Variants in FERRY3 observed in about 807,000 individuals in gnomAD.
FERRY3 encodes FERRY endosomal RAB5 effector complex subunit 3, also known as protein C12orf4.
chr12:4,514,784 T>C, the FERRY3 span, among the ~76,000 whole-genome samples: 21 of 151,724 alleles, frequency 1.4e-4, no homozygotes, highest in African/African-American at 4.6e-4. Flanking sequence ...ATATACCTAA[T>C]GCTAGATGAC....
At chr12:4,517,784 A>G in the FERRY3 span, among the ~76,000 whole-genome samples, 1 of 150,984 alleles carries the variant, frequency 6.6e-6, no homozygotes, top group African/African-American at 2.4e-5. Context: ...TTGCTTCTAA[A>G]CTGAAAACAT....
At chr12:4,495,786 G>C in the FERRY3 span, among the ~76,000 whole-genome samples, 256 of 152,202 alleles carry the variant, frequency 1.7e-3, 1 homozygote, top group African/African-American at 5.9e-3. Context: ...TTAATAGCAT[G>C]GTCTAGAGCA....
the FERRY3 span, among the ~76,000 whole-genome samples, chr12:4,526,256 G>C: frequency 1.3e-5 from 2 of 152,180 alleles, no homozygotes; most frequent in Non-Finnish European, 2.9e-5. Context: ...AGAGGACTCT[G>C]TAATGCTGGA....
chr12:4,530,122 T>C, the FERRY3 span: 10 of 1,405,236 alleles, frequency 7.1e-6, no homozygotes, highest in South Asian at 3.9e-5. Context: ...TAGAAAAGTA[T>C]GTATGATTCC....
the FERRY3 span, among the ~76,000 whole-genome samples, chr12:4,498,678 C>T: frequency 6.6e-6 from 1 of 152,148 alleles, no homozygotes; most frequent in Admixed American, 6.5e-5. Context: ...CAGGCCCCAA[C>T]CTTTTTGGCA....
chr12:4,490,207 G>C, the FERRY3 span, among the ~76,000 whole-genome samples: 1 of 152,110 alleles, frequency 6.6e-6, no homozygotes, highest in East Asian at 1.9e-4. Context: ...ACAGAATACA[G>C]AATCATTATC....
chr12:4,510,508 A>T, the FERRY3 span, among the ~76,000 whole-genome samples: 6 of 143,324 alleles, frequency 4.2e-5, no homozygotes, highest in African/African-American at 1.6e-4. Flanking sequence ...AGGTCGGGTT[A>T]CCCTCAAAGG....
the FERRY3 span, chr12:4,502,261 T>C: frequency 1.4e-5 from 5 of 360,618 alleles, no homozygotes; most frequent in Non-Finnish European, 2.7e-5. This position sits in a 1 kb window ranked among gnomAD's most constrained non-coding sequence, Gnocchi z 4.2. Flanking sequence ...GCCATAATTA[T>C]AGGGATTTTA....
the FERRY3 span, chr12:4,490,471 A>G: frequency 7.1e-7 from 1 of 1,407,804 alleles, no homozygotes. Flanking sequence ...TATCTGTGAG[A>G]AATCTAATAA....
At chr12:4,512,115 T>C in the FERRY3 span, among the ~76,000 whole-genome samples, 1 of 129,318 alleles carries the variant, frequency 7.7e-6, no homozygotes, top group East Asian at 2.1e-4. Flanking sequence ...CAAACACCTC[T>C]ACGCAAATAA....
the FERRY3 span, among the ~76,000 whole-genome samples, chr12:4,499,810 A>G: frequency 6.6e-6 from 1 of 152,122 alleles, no homozygotes; most frequent in Admixed American, 6.5e-5. Flanking sequence ...GGGTAAGAAG[A>G]GGGGGTAGGG....
chr12:4,523,992 AG>A, the FERRY3 span, among the ~76,000 whole-genome samples: 1 of 152,160 alleles, frequency 6.6e-6, no homozygotes, highest in Non-Finnish European at 1.5e-5. Flanking sequence ...TTGATTCTAA[AG>A]ATTGAATTTC....
At chr12:4,521,320 T>C in the FERRY3 span, among the ~76,000 whole-genome samples, 1 of 151,882 alleles carries the variant, frequency 6.6e-6, no homozygotes. Flanking sequence ...GATCGCGGCA[T>C]TGTAGGCATT....
At chr12:4,514,407 A>G in the FERRY3 span, among the ~76,000 whole-genome samples, 330 of 152,260 alleles carry the variant, frequency 2.2e-3, 1 homozygote, top group South Asian at 8.5e-3. Context: ...TATATACCCA[A>G]AGGACTATAA....
the FERRY3 span, chr12:4,489,408 A>C: frequency 6.5e-6 from 1 of 153,710 alleles, no homozygotes; most frequent in African/African-American, 2.4e-5. Flanking sequence ...AGAAAGTAAA[A>C]GGAAAATTTT....
At chr12:4,533,037 C>T in the FERRY3 span, among the ~76,000 whole-genome samples, 1 of 152,162 alleles carries the variant, frequency 6.6e-6, no homozygotes, top group African/African-American at 2.4e-5. Context: ...CTTAAATATC[C>T]AACAATCTTT....
At chr12:4,519,492 C>T in the FERRY3 span, among the ~76,000 whole-genome samples, 3 of 152,200 alleles carry the variant, frequency 2.0e-5, no homozygotes, top group Admixed American at 2.0e-4. The surrounding 1 kb of genome is among the most constrained non-coding windows in gnomAD (Gnocchi z 4.3). Context: ...CCGTTCAATT[C>T]CAACAGTGGT....
the FERRY3 span, among the ~76,000 whole-genome samples, chr12:4,497,445 A>G: frequency 1.3e-5 from 2 of 152,198 alleles, no homozygotes; most frequent in Non-Finnish European, 2.9e-5. Context: ...ATGGGTGTTC[A>G]GTCTATGAAA....
At chr12:4,528,900 CACACACACACACACA>C in the FERRY3 span, among the ~76,000 whole-genome samples, 5,254 of 91,910 alleles carry the variant, frequency 0.057, 299 homozygotes, top group African/African-American at 0.16. Context: ...ATCAGTTACA[CACACACACACACACA>C]CACACACACA....
Sources: allele counts gnomAD v4.1 joint callset (sites outside exome capture counted in the v4.1 genomes callset), GRCh38; gene constraint gnomAD v4.1.1; non-coding constraint Gnocchi (gnomAD v3.1); transcripts MANE v1.5; gene names NCBI Gene and HGNC (gene_info 2026-07-23, HGNC 2026-07-21).